The following LRP1B variants were observed in gnomAD, a reference collection of about 807,000 sequenced individuals.
The protein encoded by LRP1B is low-density lipoprotein receptor-related protein 1B.
In LRP1B, 217 loss-of-function variants were observed where a neutral mutation model predicts 556.6. That is an observed-to-expected ratio of 0.39 (90% confidence interval 0.35 to 0.44). The LOEUF (loss-of-function observed/expected upper bound fraction) is 0.44. Ranked by LOEUF, LRP1B falls within the 20% of genes least tolerant of loss-of-function variation. The pLI is 1.00. For missense variants in LRP1B, 5,053 were observed against 5,620.8 expected (o/e 0.90, Z 3.23); for synonymous variants, 2,047 against 1,865.8 (o/e 1.10, Z -2.50).
rs766907792 is a variant in LRP1B at position 141,480,415 on chromosome 2, G to A, written c.324C>T (p.Asp108=). 46 of 1,613,642 alleles carry A rather than the reference G, an allele frequency of 2.9e-5. No individual in the cohort carries two copies. Among genetic ancestry groups the A allele is most frequent in the Non-Finnish European group, 3.1e-5 (37 of 1,179,870 alleles). ...ACTCACCCTGACAATGTACTCCTTCGTCATACCCATCTGGGCAGTCCAAGA... is the reference window on the plus strand; with the variant it reads ...ACTCACCCTGACAATGTACTCCTTCATCATACCCATCTGGGCAGTCCAAGA... ...NGVLDCPDGY[D]EGVHCQELLS... The change falls in exon 3 of 91, where the codon GAC becomes GAT. Residue 108 remains aspartate, a synonymous_variant. Coordinates refer to ENST00000389484, the MANE Select transcript of LRP1B (RefSeq NM_018557.3).
intron 35 of LRP1B, among the ~76,000 whole-genome samples, chr2:140,718,944 C>T (rs1283927995): frequency 6.6e-6 from 1 of 152,018 alleles, no homozygotes; most frequent in Non-Finnish European, 1.5e-5. Context: ...AACTTTCCTG[C>T]CTATTCTACA....
chr2:140,661,172 G>A (rs1685078841), intron 41 of LRP1B, among the ~76,000 whole-genome samples: 1 of 152,042 alleles, frequency 6.6e-6, no homozygotes, highest in South Asian at 2.1e-4. Context: ...ATATCTGAAT[G>A]TTTCTCAGTT....
chr2:141,366,455 T>C (rs1261629511), intron 3 of LRP1B, among the ~76,000 whole-genome samples: 1 of 152,240 alleles, frequency 6.6e-6, no homozygotes, highest in Non-Finnish European at 1.5e-5. Flanking sequence ...TTGTTTTTTG[T>C]AATCCTCAAA....
At chr2:142,016,471 A>G (rs143508381) in intron 1 of LRP1B, among the ~76,000 whole-genome samples, 17,738 of 152,226 alleles carry the variant, frequency 0.12, 1,376 homozygotes, top group African/African-American at 0.21. Context: ...AATGTGGCAC[A>G]TATACACAAT....
intron 6 of LRP1B, among the ~76,000 whole-genome samples, chr2:141,205,517 A>G (rs1328814378): frequency 6.6e-6 from 1 of 152,176 alleles, no homozygotes; most frequent in Non-Finnish European, 1.5e-5. Flanking sequence ...TCTGTATTTT[A>G]TCAATAAAAT....
At chr2:140,719,221 G>T (rs1190752218) in intron 35 of LRP1B, among the ~76,000 whole-genome samples, 1 of 152,012 alleles carries the variant, frequency 6.6e-6, no homozygotes, top group East Asian at 1.9e-4. Context: ...AATAAAGACT[G>T]GTTGGGAGGC....
At chr2:141,781,920 C>T (rs1487641136) in intron 2 of LRP1B, among the ~76,000 whole-genome samples, 1 of 152,142 alleles carries the variant, frequency 6.6e-6, no homozygotes, top group Non-Finnish European at 1.5e-5. Context: ...CGTTTTCCCA[C>T]AAATCTCATA....
At chr2:140,702,889 T>A (rs1475165831) in intron 37 of LRP1B, among the ~76,000 whole-genome samples, 1 of 152,086 alleles carries the variant, frequency 6.6e-6, no homozygotes, top group Non-Finnish European at 1.5e-5. Context: ...AGAAGCCTTC[T>A]GTGTCTTCCC....
At chr2:142,034,188 G>GT (rs576029883) in intron 1 of LRP1B, among the ~76,000 whole-genome samples, 60 of 151,698 alleles carry the variant, frequency 4.0e-4, no homozygotes, top group African/African-American at 1.4e-3. Flanking sequence ...TCAGTTCTAT[G>GT]TATCATTTTC....
chr2:141,074,589 C>CTCTCTATA (rs10643830), intron 7 of LRP1B, among the ~76,000 whole-genome samples: 18,751 of 135,980 alleles, frequency 0.14, 1,381 homozygotes, highest in Non-Finnish European at 0.16. Context: ...CTCTCTCTCT[C>CTCTCTATA]TATATATATA....
chr2:141,767,510 GA>G (rs2105608024), intron 2 of LRP1B, among the ~76,000 whole-genome samples: 1 of 152,156 alleles, frequency 6.6e-6, no homozygotes, highest in East Asian at 1.9e-4. Context: ...TGTCAGATTT[GA>G]TGAATAGACC....
chr2:141,617,362 A>G (rs1419538873), intron 2 of LRP1B, among the ~76,000 whole-genome samples: 1 of 152,184 alleles, frequency 6.6e-6, no homozygotes, highest in East Asian at 1.9e-4. Context: ...TAAACAGACT[A>G]ACTTATGTGA....
At chr2:140,888,780 A>G (rs981822018) in intron 23 of LRP1B, among the ~76,000 whole-genome samples, 8 of 151,904 alleles carry the variant, frequency 5.3e-5, no homozygotes, top group Admixed American at 5.3e-4. Flanking sequence ...CCTGGCCAAC[A>G]TGGTGAAACC....
intron 15 of LRP1B, among the ~76,000 whole-genome samples, chr2:140,997,844 A>G (rs1256792388): frequency 6.6e-6 from 1 of 151,916 alleles, no homozygotes; most frequent in African/African-American, 2.4e-5. Context: ...GACTGTGTGA[A>G]AAATGCTGCG....
chr2:141,153,552 G>A (rs1437576357), intron 7 of LRP1B, among the ~76,000 whole-genome samples: 3 of 113,476 alleles, frequency 2.6e-5, no homozygotes, highest in Non-Finnish European at 5.3e-5. Context: ...TTATATATTA[G>A]CTATATATAT....
At chr2:141,162,203 GTCTC>G (rs1231152309) in intron 7 of LRP1B, among the ~76,000 whole-genome samples, 2 of 152,014 alleles carry the variant, frequency 1.3e-5, no homozygotes, top group Admixed American at 1.3e-4. Context: ...ATATGCTTTT[GTCTC>G]TCTTATATCT....
chr2:141,597,055 T>TAC (rs35647921), intron 2 of LRP1B, among the ~76,000 whole-genome samples: 8,212 of 147,308 alleles, frequency 0.056, 261 homozygotes, highest in African/African-American at 0.074. Flanking sequence ...TCTGACATTT[T>TAC]ACACACACAC....
intron 3 of LRP1B, among the ~76,000 whole-genome samples, chr2:141,276,293 A>ACT (rs1210892787): frequency 8.0e-6 from 1 of 124,878 alleles, no homozygotes. Context: ...GATAATTTTT[A>ACT]CTTTTTTTTT....
At chr2:140,484,178 T>C (rs1303723248) in intron 59 of LRP1B, among the ~76,000 whole-genome samples, 2 of 152,146 alleles carry the variant, frequency 1.3e-5, no homozygotes, top group Admixed American at 1.3e-4. Context: ...CATAATTATA[T>C]AGTGAAAAGT....
Sources: allele counts gnomAD v4.1 joint callset (sites outside exome capture counted in the v4.1 genomes callset), GRCh38; gene constraint gnomAD v4.1.1; transcripts MANE v1.5; gene names NCBI Gene and HGNC (gene_info 2026-07-23, HGNC 2026-07-21).